GABBR2: variants seen among roughly 807,000 people sequenced by gnomAD.
The protein encoded by GABBR2 is gamma-aminobutyric acid type B receptor subunit 2, also known as G-protein coupled receptor 51.
Under a neutral mutation model 105.6 loss-of-function variants are expected in GABBR2, and 23 were observed. The ratio of observed to expected loss-of-function variants is 0.22; its 90% confidence interval spans 0.16 to 0.31. GABBR2 has a LOEUF of 0.31. GABBR2 is among the 10% of genes least tolerant of loss of function. GABBR2 has a pLI of 1.00. For missense variants in GABBR2, 734 were observed against 1,245.5 expected (o/e 0.59, Z 6.18); for synonymous variants, 478 against 499.7 (o/e 0.96, Z 0.58).
chr9:98,413,940 G>T (rs953342458), intron 7 of GABBR2, among the ~76,000 whole-genome samples: 4 of 152,250 alleles, frequency 2.6e-5, no homozygotes, highest in African/African-American at 9.6e-5. Flanking sequence ...TACGGGAAAA[G>T]TGAAGTAAAT....
At chr9:98,491,373 C>T (rs1827172946) in intron 4 of GABBR2, among the ~76,000 whole-genome samples, 1 of 152,174 alleles carries the variant, frequency 6.6e-6, no homozygotes, top group African/African-American at 2.4e-5. Context: ...TTTTTTGAAA[C>T]ACAATCTGAA....
rs576275841 is a variant in GABBR2, at chr9:98,603,931, G to A, written c.322-25859C>T. On this transcript the variant is annotated intron_variant, in intron 1 of 18. Transcript: ENST00000259455. ...CCAACATGGACAAAAATAACGTCCC[G>A]TTCCATCTGAAAATATCACCTAGAA... Among the ~76,000 whole-genome samples the A allele has an allele frequency of 6.6e-5, 10 of 152,260 alleles. No individual in the cohort carries two copies. The South Asian group carries it at 8.3e-4, about 13-fold the overall frequency.
chr9:98,673,253 G>A (rs1431014444), intron 1 of GABBR2, among the ~76,000 whole-genome samples: 1 of 152,112 alleles, frequency 6.6e-6, no homozygotes, highest in Non-Finnish European at 1.5e-5. Context: ...GGAATATAAG[G>A]TTTATGTACA....
intron 17 of GABBR2, 69 bp downstream of exon 17, chr9:98,299,155 A>T (rs150345024): frequency 7.4e-7 from 1 of 1,347,982 alleles, no homozygotes; most frequent in African/African-American, 1.4e-5. Flanking sequence ...TCATCTAAAA[A>T]ATGGAAGATG....
rs1324766093 is a variant in GABBR2 at position 98,431,203 on chromosome 9, C to T, written c.1236+22778G>A. ...GCCAGCCTGTTTAAAACTCTCTTCT[C>T]GCCATCCACTGGTAGCATTTCCAAT... On this transcript the variant is annotated intron_variant, in intron 7 of 18. Transcript: ENST00000259455. Among the ~76,000 whole-genome samples the T allele has an allele frequency of 1.1e-4, 17 of 152,232 alleles. No homozygotes were observed. In the East Asian group the frequency reaches 1.7e-3, roughly 16 times the overall value.
chr9:98,370,568 C>T (rs1831760575), intron 12 of GABBR2, among the ~76,000 whole-genome samples: 1 of 152,142 alleles, frequency 6.6e-6, no homozygotes. Context: ...CTCCTTTTCC[C>T]AAGGCAGGTG....
intron 2 of GABBR2, among the ~76,000 whole-genome samples, chr9:98,568,139 G>C (rs13288889): frequency 0.092 from 13,962 of 151,660 alleles, 985 homozygotes; most frequent in African/African-American, 0.2. Context: ...CCAAAGGAGT[G>C]GGGGTTTGGA....
chr9:98,606,850 C>T (rs1829430585), intron 1 of GABBR2: 3 of 483,962 alleles, frequency 6.2e-6, no homozygotes, highest in South Asian at 4.1e-5. Flanking sequence ...GCCACTGCTG[C>T]TGAGGAGAGA....
chr9:98,578,173 G>A (rs1411278159), intron 1 of GABBR2, 101 bp from the exon 2 acceptor site: 7 of 1,329,430 alleles, frequency 5.3e-6, no homozygotes, highest in Non-Finnish European at 7.4e-6. Flanking sequence ...AACCTTCTGG[G>A]TTTCAGTTCT....
At chr9:98,616,476 G>A (rs373144314) in intron 1 of GABBR2, among the ~76,000 whole-genome samples, 2 of 152,302 alleles carry the variant, frequency 1.3e-5, no homozygotes, top group African/African-American at 2.4e-5. Flanking sequence ...AAAGTTGGCC[G>A]GATGCGGTGC....
intron 6 of GABBR2, among the ~76,000 whole-genome samples, chr9:98,466,778 C>A (rs1334912959): frequency 6.6e-6 from 1 of 152,152 alleles, no homozygotes. Context: ...ACAGAAAAAA[C>A]AAATTATCAG....
chr9:98,379,154 C>T (rs1040309352), intron 11 of GABBR2, among the ~76,000 whole-genome samples: 1 of 152,216 alleles, frequency 6.6e-6, no homozygotes, highest in Non-Finnish European at 1.5e-5. Flanking sequence ...TTGACTTAGG[C>T]AGGACCCAAG....
chr9:98,333,108 C>T (rs926832780), intron 13 of GABBR2, among the ~76,000 whole-genome samples: 5 of 152,126 alleles, frequency 3.3e-5, no homozygotes, highest in African/African-American at 1.2e-4. Context: ...TCCGTGGGCT[C>T]TGCAAGGGTT....
At chr9:98,453,296 G>A (rs889507999) in intron 7 of GABBR2, among the ~76,000 whole-genome samples, 9 of 152,216 alleles carry the variant, frequency 5.9e-5, no homozygotes, top group Non-Finnish European at 8.8e-5. Context: ...AAAGTGTTGG[G>A]ATTACAGGCG....
chr9:98,616,015 T>G (rs1829577765), intron 1 of GABBR2, among the ~76,000 whole-genome samples: 1 of 152,196 alleles, frequency 6.6e-6, no homozygotes, highest in African/African-American at 2.4e-5. Context: ...TGCAAAGAAA[T>G]AAGAACAGTG....
intron 2 of GABBR2, among the ~76,000 whole-genome samples, chr9:98,567,782 TGA>T (rs1390739040): frequency 6.6e-6 from 1 of 152,158 alleles, no homozygotes; most frequent in African/African-American, 2.4e-5. Flanking sequence ...CCTCTGTCAG[TGA>T]GAGGCATCAG....
intron 4 of GABBR2, 125 bp from the exon 5 acceptor site, chr9:98,481,122 G>A (rs573055669): frequency 7.0e-6 from 5 of 713,780 alleles, no homozygotes; most frequent in South Asian, 6.1e-5. Flanking sequence ...CTGGGAAGGT[G>A]GGCAGGGCAG....
intron 1 of GABBR2, among the ~76,000 whole-genome samples, chr9:98,580,860 C>A (rs560752283): frequency 6.6e-6 from 1 of 152,320 alleles, no homozygotes; most frequent in African/African-American, 2.4e-5. Flanking sequence ...TCCACGTTCT[C>A]TCCTTATTTT....
chr9:98,697,002 T>A (rs552727101), intron 1 of GABBR2, among the ~76,000 whole-genome samples: 1 of 152,214 alleles, frequency 6.6e-6, no homozygotes, highest in East Asian at 1.9e-4. Flanking sequence ...CTTGTTTTTA[T>A]CGGAGAAAAA....
Sources: allele counts gnomAD v4.1 joint callset (sites outside exome capture counted in the v4.1 genomes callset), GRCh38; gene constraint gnomAD v4.1.1; transcripts MANE v1.5; gene names NCBI Gene and HGNC (gene_info 2026-07-23, HGNC 2026-07-21).